The following XCR1 variants were observed in gnomAD, a reference collection of about 807,000 sequenced individuals.
The protein encoded by XCR1 is chemokine XC receptor 1.
For synonymous variants in XCR1, 187 were observed against 188.5 expected (o/e 0.99, Z 0.06); for missense variants, 356 against 424.2 (o/e 0.84, Z 1.41).
At chr3:46,073,947 A>C (rs1328069602) in intron 3 of XCR1, among the ~76,000 whole-genome samples, 1 of 151,094 alleles carries the variant, frequency 6.6e-6, no homozygotes, top group Non-Finnish European at 1.5e-5. Flanking sequence ...AGATGTGAAG[A>C]AAAGGGAACT....
intron 1 of XCR1, among the ~76,000 whole-genome samples, chr3:46,027,132 C>A (rs184551756): frequency 6.6e-6 from 1 of 151,660 alleles, no homozygotes; most frequent in African/African-American, 2.4e-5. Context: ...CAGGCCAATC[C>A]GGAACTCCTG....
intron 2 of XCR1, among the ~76,000 whole-genome samples, chr3:46,075,690 AAAAC>A (rs775467806): frequency 4.1e-4 from 62 of 151,988 alleles, no homozygotes; most frequent in East Asian, 5.8e-4. Context: ...AAAAGAAAAC[AAAAC>A]AAACAAACAA....
intron 2 of XCR1, among the ~76,000 whole-genome samples, chr3:46,074,952 T>C (rs1172679042): frequency 6.6e-6 from 1 of 152,116 alleles, no homozygotes; most frequent in Non-Finnish European, 1.5e-5. Context: ...TGAATAGCCC[T>C]GTAACTACTA....
chr3:46,083,997 A>C (rs1184119738), intron 1 of XCR1, among the ~76,000 whole-genome samples: 1 of 152,242 alleles, frequency 6.6e-6, no homozygotes, highest in Non-Finnish European at 1.5e-5. Flanking sequence ...CTATTATTCC[A>C]ATTAATGCTA....
rs1329106333 is a variant in XCR1 at position 46,021,729 on chromosome 3, C to A, written c.219G>T (p.Leu73=). Residue 73 remains leucine (L), a synonymous_variant, in exon 2 of 2, where the codon CTG becomes CTT. Coordinates refer to ENST00000309285, the MANE Select transcript of XCR1 (RefSeq NM_001024644.2). The surrounding 1 kb of genome is among the most constrained non-coding windows in gnomAD (Gnocchi z 4.7). The stretch of plus-strand genomic sequence containing the variant: ...AGGCGAACACCAGGTCTGAGAGGCA[C>A]AGGTTGAGGATGAAGATGTTGGTGA... ...ESLTNIFILN[L]CLSDLVFACL... 2.5e-6 allele frequency: 4 copies of A among 1,614,092 alleles called. No individual in the cohort carries two copies. The highest frequency in any genetic ancestry group is 3.3e-5 in the Admixed American group (2 of 60,030).
chr3:46,076,772 T>G (rs1342557876), exon 2 of XCR1, among the ~76,000 whole-genome samples: 4 of 152,100 alleles, frequency 2.6e-5, no homozygotes, highest in Non-Finnish European at 2.9e-5. Context: ...TAGTTTCACT[T>G]TCCAGATGCT....
rs1708097133 is a variant in XCR1, at chr3:46,019,155, A to G, written c.*1791T>C. On this transcript the variant is annotated 3_prime_UTR_variant, in exon 2 of 2. Coordinates refer to ENST00000309285, the MANE Select transcript of XCR1 (RefSeq NM_001024644.2). ...ACAGAGAGAGATAAGCAATCTCTCT[A>G]CTACTACACCCTACTCTCTTTCTAC... is the stretch of plus-strand genomic sequence containing the variant. 1 of 152,194 alleles carries G rather than the reference A, an allele frequency of 6.6e-6. No homozygotes were observed. Among genetic ancestry groups the G allele is most frequent in the African/African-American group, 2.4e-5 (1 of 41,460 alleles). 9.4% of individuals were successfully genotyped at this position (152,194 alleles called of 1,614,324 possible).
At chr3:46,051,430 A>C (rs924310094) in intron 5 of XCR1, among the ~76,000 whole-genome samples, 2 of 152,208 alleles carry the variant, frequency 1.3e-5, no homozygotes, top group African/African-American at 4.8e-5. Context: ...TCTTGCTCCC[A>C]CTAAGGACGT....
intron 3 of XCR1, among the ~76,000 whole-genome samples, chr3:46,069,873 T>C (rs1698137383): frequency 6.6e-6 from 1 of 151,860 alleles, no homozygotes; most frequent in Non-Finnish European, 1.5e-5. Context: ...TTCTAGTTCC[T>C]TGAGGTGTGA....
rs372082786 is a variant in XCR1, at chr3:46,085,301, A to G, written c.-515+493T>C. Among the ~76,000 whole-genome samples the G allele has an allele frequency of 4.3e-4, 66 of 152,152 alleles. 1 individual carries two copies. In the South Asian group the frequency reaches 0.013, roughly 30 times the overall value. ...AGGTACTAATGTGATCTACATCTAT[A>G]CAGATTAGGGAACTGAGGCACAAGG... On this transcript the variant is annotated intron_variant, in intron 1 of 5. Coordinates refer to the XCR1 transcript ENST00000683768.
At chr3:46,077,247 G>T (rs1698276211) in intron 1 of XCR1, among the ~76,000 whole-genome samples, 1 of 152,148 alleles carries the variant, frequency 6.6e-6, no homozygotes, top group Non-Finnish European at 1.5e-5. Context: ...TTTATCTGCT[G>T]CTACCCATTT....
chr3:46,076,266 C>T (rs1227866273), intron 2 of XCR1, among the ~76,000 whole-genome samples: 2 of 152,106 alleles, frequency 1.3e-5, no homozygotes, highest in African/African-American at 4.8e-5. Flanking sequence ...TCTGACATAC[C>T]ACCCACACTC....
At position 46,069,645 on chromosome 3, in the gene XCR1, A is replaced by G. The variant is rs145307290; in HGVS notation, c.-262-2667T>C. ...GTATGTTATATGTATTACATGCTGTATTCTTACAATAAAGTAAGCTAGAGA... is the reference window on the plus strand; with the variant it reads ...GTATGTTATATGTATTACATGCTGTGTTCTTACAATAAAGTAAGCTAGAGA... On this transcript the variant is annotated intron_variant, in intron 3 of 5. Coordinates refer to the XCR1 transcript ENST00000683768. Among the ~76,000 whole-genome samples the G allele has an allele frequency of 4.9e-3, 740 of 152,342 alleles. 5 individuals carry two copies. Among genetic ancestry groups the G allele is most frequent in the Non-Finnish European group, 8.6e-3 (585 of 68,012 alleles).
At chr3:46,022,333 G>T in intron 1 of XCR1, 1 of 169,028 alleles carries the variant, frequency 5.9e-6, no homozygotes, top group Non-Finnish European at 1.3e-5. Context: ...CAAAAAAGAT[G>T]CCAGACTCTT....
rs9858301 is a variant in XCR1, at chr3:46,053,234, G to A, written c.-32+686C>T. Among the ~76,000 whole-genome samples, 396 of 151,966 alleles carry A rather than the reference G, an allele frequency of 2.6e-3. 1 individual carries two copies. The highest frequency in any genetic ancestry group is 8.6e-3 in the African/African-American group (356 of 41,286). Reference sequence around the variant, plus strand: ...CTGTACGCCATTATTTACCACACTCGCTTTTAATTCCTTTAACAACTTAAA... The same window carrying A: ...CTGTACGCCATTATTTACCACACTCACTTTTAATTCCTTTAACAACTTAAA... On this transcript the variant is annotated intron_variant, in intron 5 of 5. Transcript: ENST00000683768.
At chr3:46,023,302 G>A in intron 1 of XCR1, 5 of 859,504 alleles carry the variant, frequency 5.8e-6, no homozygotes, top group South Asian at 1.5e-5. Flanking sequence ...GTCTATGGAA[G>A]TAATGGAAGG....
In XCR1 at chr3:46,021,511, C is replaced by G; in HGVS notation, c.437G>C (p.Arg146Pro). 1.2e-6 allele frequency: 2 copies of G among 1,612,630 alleles called. No individual in the cohort carries two copies. Among genetic ancestry groups the G allele is most frequent in the Non-Finnish European group, 1.7e-6 (2 of 1,179,304 alleles). The change falls in exon 2 of 2, where the codon CGG becomes CCG. Residue 146 changes from arginine to proline, a missense_variant. Coordinates refer to ENST00000309285, the MANE Select transcript of XCR1 (RefSeq NM_001024644.2). This position sits in a 1 kb window ranked among gnomAD's most constrained non-coding sequence, Gnocchi z 4.7. ...CCACACAGCCATGGTCACCAGCACC[C>G]GGCAGCGGAGGGTGGGGACGCGCAG... ...STLRVPTLRCRVLVTMAVWVA... is the reference protein window; with the variant it reads ...STLRVPTLRCPVLVTMAVWVA...
At chr3:46,074,422 A>G (rs1348239791) in intron 3 of XCR1, among the ~76,000 whole-genome samples, 2 of 151,972 alleles carry the variant, frequency 1.3e-5, no homozygotes, top group Non-Finnish European at 2.9e-5. Context: ...ATGTATACAC[A>G]TGGACATAGA....
intron 1 of XCR1, among the ~76,000 whole-genome samples, chr3:46,082,317 T>G (rs934007978): frequency 2.8e-4 from 43 of 152,166 alleles, no homozygotes; most frequent in African/African-American, 1.0e-3. Flanking sequence ...ACTTATGGCG[T>G]TAGGCCTCCA....
Sources: allele counts gnomAD v4.1 joint callset (sites outside exome capture counted in the v4.1 genomes callset), GRCh38; gene constraint gnomAD v4.1.1; non-coding constraint Gnocchi (gnomAD v3.1); transcripts MANE v1.5; gene names NCBI Gene and HGNC (gene_info 2026-07-23, HGNC 2026-07-21).